NLRP12: variants seen among roughly 807,000 people sequenced by gnomAD.
NLRP12 encodes the protein NLR family pyrin domain containing 12, also known as NACHT, LRR and PYD domains-containing protein 12.
A neutral mutation model predicts 91.2 loss-of-function variants in NLRP12; 108 were observed. The observed-to-expected ratio is 1.18, with a 90% CI of 1.01 to 1.39. The LOEUF is 1.39. Among genes scored for constraint, NLRP12 ranks in the 40% most tolerant of loss-of-function variants. The pLI is 0.00. For missense variants in NLRP12, 1,530 were observed against 1,352.7 expected (o/e 1.13, Z -2.06); for synonymous variants, 613 against 566.7 (o/e 1.08, Z -1.16).
intron 1 of NLRP12, among the ~76,000 whole-genome samples, chr19:53,816,561 G>A (rs950835806): frequency 5.9e-5 from 9 of 151,868 alleles, no homozygotes; most frequent in Non-Finnish European, 1.2e-4. Flanking sequence ...TCGCTCTGTC[G>A]CCCAGGCTGG....
intron 6 of NLRP12, 149 bp from the exon 7 acceptor site, chr19:53,801,546 A>C (rs956439782): frequency 1.2e-5 from 13 of 1,083,318 alleles, no homozygotes; most frequent in Non-Finnish European, 1.7e-5. Context: ...TCCACCTCCC[A>C]TGTTCAAGCG....
rs143885838 is a variant in NLRP12 at position 53,818,246 on chromosome 19, G to A, written c.290-3258C>T. Among the ~76,000 whole-genome samples the A allele has an allele frequency of 3.9e-5, 6 of 152,018 alleles. No individual in the cohort carries two copies. The East Asian group carries it at 1.2e-3, about 29-fold the overall frequency. ...CTGCAGGCATGCACCACTGTGCCTG[G>A]TCAATTTTGTAGAGAAGGGGTTTTG... is the stretch of plus-strand genomic sequence containing the variant. On this transcript the variant is annotated intron_variant, in intron 1 of 9. Transcript: ENST00000324134.
intron 6 of NLRP12, among the ~76,000 whole-genome samples, chr19:53,803,432 G>A (rs1429512848): frequency 2.6e-5 from 4 of 151,788 alleles, no homozygotes; most frequent in Non-Finnish European, 5.9e-5. Context: ...TGCCCACCTC[G>A]GCCTCCCAAA....
In NLRP12 at chr19:53,795,924, C is replaced by T; in HGVS notation, c.3033G>A (p.Gly1011=). 6.2e-7 allele frequency: 1 copy of T among 1,614,114 alleles called. No individual in the cohort carries two copies. The highest frequency in any genetic ancestry group is 8.5e-7 in the Non-Finnish European group (1 of 1,180,020). ...TDLYLTNNAL[G]DTGVRLLCKR... The stretch of plus-strand genomic sequence containing the variant: ...TGCAAAGCAGTCGGACACCTGTGTC[C>T]CCTAGGGCGTTGTTGGTCAGGTAAA... Residue 1011 remains glycine, a synonymous_variant, in exon 9 of 10, where the codon GGG becomes GGA. Transcript: ENST00000324134.
chr19:53,811,509 A>G (rs1296430734), intron 2 of NLRP12, among the ~76,000 whole-genome samples: 4 of 151,672 alleles, frequency 2.6e-5, no homozygotes, highest in African/African-American at 9.7e-5. Context: ...GCCAGACTCC[A>G]TCTCAAAAAA....
intron 3 of NLRP12, 147 bp downstream of exon 3, chr19:53,809,440 A>C: frequency 1.3e-6 from 1 of 769,500 alleles, no homozygotes; most frequent in Non-Finnish European, 2.0e-6. Context: ...CTGAAGCAGG[A>C]GAATCTCTTG....
At position 53,810,636 on chromosome 19, in the gene NLRP12, G is replaced by A. The variant is rs763995471; in HGVS notation, c.1023C>T (p.Thr341=). ...KLLPELSLLI[T]TRPTALEKLH... ...GCTTCTCCAAAGCCGTGGGCCGTGT[G>A]GTGATGAGCAAAGATAGCTCAGGGA... Residue 341 remains threonine, a synonymous_variant, in exon 3 of 10, where the codon ACC becomes ACT. Coordinates refer to ENST00000324134, the MANE Select transcript of NLRP12 (RefSeq NM_144687.4). 4 of 1,614,098 alleles carry A rather than the reference G, an allele frequency of 2.5e-6. No individual in the cohort carries two copies. Among genetic ancestry groups the A allele is most frequent in the Non-Finnish European group, 3.4e-6 (4 of 1,180,036 alleles).
chr19:53,816,000 A>G (rs112011359), intron 1 of NLRP12, among the ~76,000 whole-genome samples: 21,242 of 149,900 alleles, frequency 0.14, 1,561 homozygotes, highest in Middle Eastern at 0.26. Flanking sequence ...TGGAACTCCT[A>G]GCTTCAAGCA....
At chr19:53,802,766 A>C (rs1020955595) in intron 6 of NLRP12, among the ~76,000 whole-genome samples, 16 of 151,816 alleles carry the variant, frequency 1.1e-4, no homozygotes, top group African/African-American at 3.9e-4. Context: ...ATTTTACCAC[A>C]ATTAAATTTA....
intron 2 of NLRP12, 64 bp from the exon 3 acceptor site, chr19:53,811,352 T>C: frequency 6.3e-7 from 1 of 1,579,228 alleles, no homozygotes; most frequent in Non-Finnish European, 8.7e-7. Context: ...GTTCACGAGG[T>C]AAAGCGCTCC....
At chr19:53,823,328 CTATA>C (rs1259884775) in intron 1 of NLRP12, among the ~76,000 whole-genome samples, 3 of 128,212 alleles carry the variant, frequency 2.3e-5, no homozygotes, top group South Asian at 4.5e-4. Context: ...TAAATATATA[CTATA>C]TTTATATATA....
intron 1 of NLRP12, among the ~76,000 whole-genome samples, chr19:53,818,512 G>A (rs1186684001): frequency 3.3e-5 from 5 of 151,494 alleles, no homozygotes; most frequent in African/African-American, 1.2e-4. Context: ...CTATAAATAC[G>A]AAATTAGCCG....
rs890593094 is a variant in NLRP12 at position 53,805,661 on chromosome 19, A to G, written c.2244-211T>C. The G allele has an allele frequency of 1.2e-5, 7 of 608,624 alleles. No individual in the cohort carries two copies. In the East Asian group the frequency reaches 2.3e-4, roughly 20 times the overall value. The allele number at this position is 608,624 out of a possible 1,614,324, so 37.7% of individuals were successfully genotyped here. ...GCCTCCTGAGTAGCTGGGCTTACAG[A>G]CGTGTGCCACCATGCCTGGCTCATT... On this transcript the variant is annotated intron_variant, in intron 4 of 9. Coordinates refer to ENST00000324134, the MANE Select transcript of NLRP12 (RefSeq NM_144687.4).
At position 53,810,072 on chromosome 19, in the gene NLRP12, G is replaced by T; in HGVS notation, c.1587C>A (p.Asp529Glu). Residue 529 changes from aspartate to glutamate, a missense_variant, in exon 3 of 10, where the codon GAC becomes GAA. Coordinates refer to ENST00000324134, the MANE Select transcript of NLRP12 (RefSeq NM_144687.4). ...CTGGGCCTGCCCCGCCCTCCCCCTC[G>T]TCCAGGATATAGTACATAGCTGCAA... ...EFFAAMYYIL[D>E]EGEGGAGPDQ... 6.2e-7 allele frequency: 1 copy of T among 1,614,072 alleles called. No homozygotes were observed. Among genetic ancestry groups the T allele is most frequent in the Non-Finnish European group, 8.5e-7 (1 of 1,180,012 alleles).
intron 8 of NLRP12, among the ~76,000 whole-genome samples, chr19:53,797,115 CA>C (rs2091778838): frequency 6.8e-6 from 1 of 148,076 alleles, no homozygotes; most frequent in Non-Finnish European, 1.5e-5. Flanking sequence ...TTGGAATTTA[CA>C]GAGCACCAGA....
At position 53,807,523 on chromosome 19, in the gene NLRP12, G is replaced by A. The variant is rs1329863077; in HGVS notation, c.2215C>T (p.His739Tyr). The A allele has an allele frequency of 3.1e-6, 5 of 1,614,094 alleles. No homozygotes were observed. The highest frequency in any genetic ancestry group is 3.3e-5 in the Admixed American group (2 of 59,986). The change falls in exon 4 of 10, where the codon CAC becomes TAC. Residue 739 changes from histidine (H) to tyrosine (Y), a missense_variant. Physicochemically the swap from His to Tyr is moderately conservative, Grantham distance 83. Coordinates refer to ENST00000324134, the MANE Select transcript of NLRP12 (RefSeq NM_144687.4). ...GVKLLCQGLRHPNCKLQNLRL... is the reference protein window; with the variant it reads ...GVKLLCQGLRYPNCKLQNLRL... Reference sequence around the variant, plus strand: ...AGGTTCTGAAGTTTGCAGTTGGGGTGTCTGAGTCCTTGACAGAGCAGCTTC... The same window carrying A: ...AGGTTCTGAAGTTTGCAGTTGGGGTATCTGAGTCCTTGACAGAGCAGCTTC...
chr19:53,797,105 T>C (rs898682345), intron 8 of NLRP12, among the ~76,000 whole-genome samples: 3 of 151,628 alleles, frequency 2.0e-5, no homozygotes, highest in South Asian at 2.1e-4. Context: ...TAACATTTGA[T>C]TGGAATTTAC....
At position 53,793,979 on chromosome 19, in the gene NLRP12, G is replaced by T. The variant is rs2091698062; in HGVS notation, c.*70C>A. The T allele has an allele frequency of 2.0e-6, 2 of 1,015,842 alleles. No individual in the cohort carries two copies. The highest frequency in any genetic ancestry group is 1.3e-5 in the South Asian group (1 of 78,832). 62.9% of individuals were successfully genotyped at this position (1,015,842 alleles called of 1,614,324 possible). On this transcript the variant is annotated 3_prime_UTR_variant, in exon 10 of 10. Transcript: ENST00000324134. ...TAGGAAGGAGGCTGATCATTATGCT[G>T]GGGGGGTGATGAGCACCCTCCCATC...
intron 8 of NLRP12, among the ~76,000 whole-genome samples, chr19:53,797,775 G>A (rs2091793764): frequency 6.9e-6 from 1 of 145,136 alleles, no homozygotes; most frequent in South Asian, 2.2e-4. Context: ...TTTCACTCTT[G>A]TTGCCCAGGC....
Sources: gnomAD v4.1 joint callset for allele counts (sites outside exome capture counted in the v4.1 genomes callset) on GRCh38, gnomAD v4.1.1 for gene constraint, MANE v1.5 for transcripts, NCBI Gene and HGNC (gene_info 2026-07-23, HGNC 2026-07-21) for gene names.